Variants in HERC4 observed in about 807,000 individuals in gnomAD.
The protein encoded by HERC4 is HECT and RLD domain containing E3 ubiquitin protein ligase 4, also known as probable E3 ubiquitin-protein ligase HERC4.
Under a neutral mutation model 124.3 loss-of-function variants are expected in HERC4, and 28 were observed. The observed-to-expected ratio is 0.23, with a 90% CI of 0.17 to 0.31. The LOEUF (loss-of-function observed/expected upper bound fraction) is 0.31. Among genes scored for constraint, HERC4 ranks in the 10% least tolerant of loss-of-function variants. The pLI is 1.00. For synonymous variants in HERC4, 407 were observed against 421.5 expected, an observed-to-expected ratio of 0.97 and a Z score of 0.42; for missense variants, 713 against 1,229.3, an observed-to-expected ratio of 0.58 and a Z score of 6.28.
chr10:68,030,581 T>C (rs777246502), intron 7 of HERC4, among the ~76,000 whole-genome samples: 28 of 152,228 alleles, frequency 1.8e-4, no homozygotes, highest in Non-Finnish European at 2.8e-4. Flanking sequence ...ACAGCATAAA[T>C]ACCTCATTCT....
chr10:67,923,903 C>T (rs2030548729), intron 24 of HERC4, among the ~76,000 whole-genome samples: 1 of 151,912 alleles, frequency 6.6e-6, no homozygotes, highest in African/African-American at 2.4e-5. Flanking sequence ...TAAATTCTGA[C>T]AACTTTAAAA....
intron 3 of HERC4, chr10:68,067,672 A>C (rs1377520176): frequency 6.6e-6 from 1 of 152,234 alleles, no homozygotes; most frequent in Non-Finnish European, 1.5e-5. Flanking sequence ...AAGAAAGGCA[A>C]GCCAAGTAAT....
chr10:67,952,380 T>C (rs933806700), intron 19 of HERC4, among the ~76,000 whole-genome samples: 4 of 151,800 alleles, frequency 2.6e-5, no homozygotes, highest in Non-Finnish European at 4.4e-5. Flanking sequence ...GTCTATTGGG[T>C]TCAAGCGATT....
At chr10:68,037,945 C>A in intron 5 of HERC4, 148 bp downstream of exon 5, 1 of 564,564 alleles carries the variant, frequency 1.8e-6, no homozygotes, top group Non-Finnish European at 3.1e-6. Context: ...GACTGACAAG[C>A]TAATTCTAAA....
At chr10:67,962,953 C>G (rs1367583327) in intron 16 of HERC4, among the ~76,000 whole-genome samples, 1 of 152,144 alleles carries the variant, frequency 6.6e-6, no homozygotes, top group Admixed American at 6.5e-5. Context: ...TCACAGGGAT[C>G]ATATAAATTA....
intron 19 of HERC4, among the ~76,000 whole-genome samples, chr10:67,948,335 AC>A (rs1383524089): frequency 6.6e-6 from 1 of 152,130 alleles, no homozygotes; most frequent in Admixed American, 6.5e-5. Context: ...CAAGAAAAAA[AC>A]AATCCCATCA....
In HERC4 at chr10:68,075,252, C is replaced by A. The variant is rs764006103; in HGVS notation, c.-217G>T. ...AACGGGAGGCAAGCGGGGCGGAGAGCACCAGGGGTGGGGAGAGTTGGGGAA... is the reference window on the plus strand; with the variant it reads ...AACGGGAGGCAAGCGGGGCGGAGAGAACCAGGGGTGGGGAGAGTTGGGGAA... On this transcript the variant is annotated 5_prime_UTR_variant, in exon 1 of 25. Transcript: ENST00000373700. The A allele has an allele frequency of 3.0e-3, 460 of 153,012 alleles. 15 individuals carry two copies. In the Middle Eastern group the frequency reaches 0.036, roughly 12 times the overall value. 9.5% of individuals were successfully genotyped at this position (153,012 alleles called of 1,614,324 possible).
chr10:67,988,614 T>C (rs746979863), intron 15 of HERC4, 49 bp downstream of exon 15: 1 of 1,162,594 alleles, frequency 8.6e-7, no homozygotes, highest in South Asian at 1.6e-5. Flanking sequence ...AGTATCAATC[T>C]GTTAATAGGA....
chr10:67,984,727 C>A (rs897134959), intron 15 of HERC4, among the ~76,000 whole-genome samples: 3 of 152,102 alleles, frequency 2.0e-5, no homozygotes, highest in Non-Finnish European at 4.4e-5. Flanking sequence ...GTATTACAGA[C>A]ACGTGCCACC....
chr10:67,960,710 G>C (rs2034458292), intron 16 of HERC4: 1 of 165,900 alleles, frequency 6.0e-6, no homozygotes, highest in Admixed American at 6.5e-5. Flanking sequence ...ACACATTCTT[G>C]GATTTGTGGT....
intron 15 of HERC4, among the ~76,000 whole-genome samples, chr10:67,980,451 C>T (rs577082370): frequency 1.2e-4 from 19 of 152,138 alleles, no homozygotes; most frequent in Non-Finnish European, 8.8e-5. Flanking sequence ...CAAATATTTT[C>T]CTAGACAAAC....
intron 9 of HERC4, chr10:67,995,378 C>A: frequency 4.5e-5 from 16 of 355,794 alleles, no homozygotes; most frequent in South Asian, 3.6e-4. Flanking sequence ...TATCTTATAA[C>A]AGGAAAGAGA....
At chr10:68,039,691 T>C in intron 4 of HERC4, 2 of 1,366,152 alleles carry the variant, frequency 1.5e-6, no homozygotes, top group Non-Finnish European at 9.4e-7. Context: ...GCCATTTCTT[T>C]GAAATAGCAA....
chr10:68,064,238 C>T (rs1343202434), intron 3 of HERC4, among the ~76,000 whole-genome samples: 3 of 151,502 alleles, frequency 2.0e-5, no homozygotes, highest in African/African-American at 7.3e-5. Context: ...AACCCTGTCC[C>T]CAAAACATAA....
chr10:67,991,737 T>A (rs1311986132), intron 11 of HERC4, among the ~76,000 whole-genome samples: 2 of 152,086 alleles, frequency 1.3e-5, no homozygotes, highest in African/African-American at 4.8e-5. Flanking sequence ...CCACAAAGTA[T>A]AAAAGTTAAG....
rs1461315986 is a variant in HERC4, at chr10:68,044,873, T to C, written c.227-310A>G. Among the ~76,000 whole-genome samples, 4 of 152,252 alleles carry C rather than the reference T, an allele frequency of 2.6e-5. No individual in the cohort carries two copies. The South Asian group carries it at 6.2e-4, about 24-fold the overall frequency. On this transcript the variant is annotated intron_variant, in intron 3 of 24. Coordinates refer to ENST00000373700, the MANE Select transcript of HERC4 (RefSeq NM_015601.4). Reference sequence around the variant, plus strand: ...AGGGTTTATAAAGATTCTCTCAGAATGTACCTTCTATTCAAATCTATTACT... The same window carrying C: ...AGGGTTTATAAAGATTCTCTCAGAACGTACCTTCTATTCAAATCTATTACT...
In HERC4 at chr10:67,925,131, C is replaced by T. The variant is rs774984161; in HGVS notation, c.2895G>A (p.Trp965Ter). Residue 965 changes from tryptophan (W) to a stop codon, truncating the protein, a stop_gained, in exon 24 of 25, where the codon TGG becomes TGA. Coordinates refer to ENST00000373700, the MANE Select transcript of HERC4 (RefSeq NM_015601.4). LOFTEE classifies it high-confidence loss of function. ...CCAATGGTAATTCGTGAAATACTTC[C>T]CAAAAAATTTTTATCGTAGGATGTT... ...WAEHPTIKIF[W>*]EVFHELPLEK... is the part of the protein sequence containing the mutation. 2 of 1,606,522 alleles carry T rather than the reference C, an allele frequency of 1.2e-6. No individual in the cohort carries two copies. The highest frequency in any genetic ancestry group is 1.7e-6 in the Non-Finnish European group (2 of 1,173,454).
At chr10:68,005,251 A>G (rs2037469995) in intron 9 of HERC4, among the ~76,000 whole-genome samples, 1 of 152,116 alleles carries the variant, frequency 6.6e-6, no homozygotes, top group Non-Finnish European at 1.5e-5. Context: ...TACAACTGTT[A>G]TATCCTCTTG....
At chr10:68,069,408 G>C (rs1335032855) in intron 3 of HERC4, 7 of 985,016 alleles carry the variant, frequency 7.1e-6, no homozygotes, top group Admixed American at 6.2e-5. Context: ...GATAGAAAAG[G>C]ACATACATAT....
Sources: allele counts gnomAD v4.1 joint callset (sites outside exome capture counted in the v4.1 genomes callset), GRCh38; gene constraint gnomAD v4.1.1; transcripts MANE v1.5; gene names NCBI Gene and HGNC (gene_info 2026-07-23, HGNC 2026-07-21).